MAD1L1: variants seen among roughly 807,000 people sequenced by gnomAD.
The protein encoded by MAD1L1 is mitotic spindle assembly checkpoint protein MAD1.
In MAD1L1, 95 loss-of-function variants were observed where a neutral mutation model predicts 96.9. That is an observed-to-expected ratio of 0.98 (90% CI 0.83 to 1.16). MAD1L1 has a LOEUF of 1.16. Ranked by LOEUF, MAD1L1 falls within the 50% of genes most tolerant of loss-of-function variation. The pLI, the probability that MAD1L1 is intolerant of heterozygous loss-of-function variation, is 0.00. For missense variants in MAD1L1, 1,007 were observed against 954.4 expected, an observed-to-expected ratio of 1.06 and a Z score of -0.73; for synonymous variants, 473 against 396.6, an observed-to-expected ratio of 1.19 and a Z score of -2.29.
intron 17 of MAD1L1, among the ~76,000 whole-genome samples, chr7:1,909,779 G>A (rs984438464): frequency 6.6e-6 from 1 of 152,320 alleles, no homozygotes; most frequent in African/African-American, 2.4e-5. Context: ...GAAGATGGTC[G>A]CTTCAACTCT....
At chr7:1,973,546 G>C (rs1244259323) in intron 15 of MAD1L1, among the ~76,000 whole-genome samples, 1 of 152,126 alleles carries the variant, frequency 6.6e-6, no homozygotes, top group Admixed American at 6.5e-5. Context: ...GCCGCAGACA[G>C]CTGGGTACGA....
intron 18 of MAD1L1, among the ~76,000 whole-genome samples, chr7:1,889,960 T>C (rs771036169): frequency 6.6e-6 from 1 of 152,174 alleles, no homozygotes; most frequent in Non-Finnish European, 1.5e-5. Flanking sequence ...GGTGGTGCCC[T>C]GAAGGCTGCC....
intron 16 of MAD1L1, among the ~76,000 whole-genome samples, chr7:1,947,017 G>A (rs575560814): frequency 8.5e-5 from 13 of 152,306 alleles, no homozygotes; most frequent in Admixed American, 8.5e-4. Context: ...CCCCTAACTC[G>A]CTGGTAGGTC....
chr7:2,204,071 T>C (rs531743074), intron 10 of MAD1L1, among the ~76,000 whole-genome samples: 1 of 152,356 alleles, frequency 6.6e-6, no homozygotes, highest in East Asian at 1.9e-4. Flanking sequence ...TGAAACTCCT[T>C]GACCCTCTGC....
intron 2 of MAD1L1, 108 bp downstream of exon 2, chr7:2,230,441 G>A (rs948818634): frequency 9.3e-6 from 3 of 320,896 alleles, no homozygotes; most frequent in African/African-American, 6.3e-5. Flanking sequence ...TCAGCACTCA[G>A]GTGGCACGTC....
chr7:1,920,113 C>A (rs1052947271), intron 17 of MAD1L1, among the ~76,000 whole-genome samples: 1 of 152,114 alleles, frequency 6.6e-6, no homozygotes, highest in Non-Finnish European at 1.5e-5. Context: ...CTGTGTGGGC[C>A]CAGCATCCCT....
intron 12 of MAD1L1, among the ~76,000 whole-genome samples, chr7:2,045,134 C>T (rs1405064186): frequency 2.0e-5 from 3 of 152,194 alleles, no homozygotes; most frequent in Non-Finnish European, 4.4e-5. Context: ...CCAGAAAGGA[C>T]ATGAAAGGCT....
At chr7:1,949,285 C>A (rs755895574) in intron 16 of MAD1L1, among the ~76,000 whole-genome samples, 1 of 152,224 alleles carries the variant, frequency 6.6e-6, no homozygotes, top group Non-Finnish European at 1.5e-5. Context: ...GGTTAACGGA[C>A]GTGCACATGG....
chr7:1,816,970 C>T (rs1219066784), intron 18 of MAD1L1: 1 of 152,384 alleles, frequency 6.6e-6, no homozygotes, highest in Non-Finnish European at 1.5e-5. Flanking sequence ...AAACCACGTC[C>T]CTGAAAAGTC....
intron 11 of MAD1L1, among the ~76,000 whole-genome samples, chr7:2,106,527 G>A (rs1314314436): frequency 6.6e-6 from 1 of 152,130 alleles, no homozygotes; most frequent in East Asian, 1.9e-4. Context: ...ACACCAAGGA[G>A]GACACGTGAG....
At chr7:2,069,385 C>T (rs779863676) in intron 11 of MAD1L1, 47 bp from the exon 12 acceptor site, 3 of 1,487,336 alleles carry the variant, frequency 2.0e-6, no homozygotes, top group Admixed American at 4.6e-5. Context: ...CTGGGGTGAC[C>T]ACCCCACCAA....
chr7:2,015,398 G>A (rs1439739649), intron 12 of MAD1L1, among the ~76,000 whole-genome samples: 1 of 152,216 alleles, frequency 6.6e-6, no homozygotes, highest in Admixed American at 6.5e-5. Flanking sequence ...CACAGTGTCA[G>A]GGCTGATTCC....
chr7:1,958,879 G>C lies in MAD1L1; in HGVS notation c.1506-1160C>G, dbSNP rs572633152. The stretch of plus-strand genomic sequence containing the variant: ...AACTACCTGTCAGATAAACATGCTG[G>C]ATGGGATTAATGACAGATTAGAATC... On this transcript the variant is annotated intron_variant, in intron 15 of 18. Coordinates refer to ENST00000265854, the MANE Select transcript of MAD1L1 (RefSeq NM_001013836.2). Among the ~76,000 whole-genome samples, 4 of 152,348 alleles carry C rather than the reference G, an allele frequency of 2.6e-5. No individual in the cohort carries two copies. In the East Asian group the frequency reaches 7.7e-4, roughly 29 times the overall value.
intron 18 of MAD1L1, among the ~76,000 whole-genome samples, chr7:1,868,777 G>C (rs6949118): frequency 0.043 from 6,611 of 152,290 alleles, 258 homozygotes; most frequent in African/African-American, 0.1. Context: ...ACGACCACCA[G>C]GGGAACGCCC....
intron 11 of MAD1L1, among the ~76,000 whole-genome samples, chr7:2,076,632 G>C (rs1290571460): frequency 6.6e-6 from 1 of 152,220 alleles, no homozygotes; most frequent in African/African-American, 2.4e-5. Context: ...ACACAGTTAT[G>C]ACACAGTGAG....
At position 2,185,483 on chromosome 7, in the gene MAD1L1, T is replaced by G. The variant is rs1791415448; in HGVS notation, c.986+27729A>C. Among the ~76,000 whole-genome samples, 3 of 152,178 alleles carry G rather than the reference T, an allele frequency of 2.0e-5. No individual in the cohort carries two copies. In the South Asian group the frequency reaches 6.2e-4, roughly 32 times the overall value. On this transcript the variant is annotated intron_variant, in intron 10 of 18. Transcript: ENST00000265854. ...ATTATATACATAAGATCTGTCCATT[T>G]CACTGTATGTAATTATTATCTCAAA...
intron 18 of MAD1L1, among the ~76,000 whole-genome samples, chr7:1,861,958 T>C (rs563920172): frequency 1.3e-5 from 2 of 152,142 alleles, no homozygotes; most frequent in South Asian, 2.1e-4. Flanking sequence ...GCTGGGAACG[T>C]AGAGGGCTGG....
chr7:1,969,170 G>A (rs953406381), intron 15 of MAD1L1, among the ~76,000 whole-genome samples: 6 of 152,154 alleles, frequency 3.9e-5, no homozygotes, highest in Admixed American at 6.5e-5. Context: ...GATCACCTGA[G>A]GTCAGCAGTT....
intron 15 of MAD1L1, among the ~76,000 whole-genome samples, chr7:1,970,893 A>G (rs1282561261): frequency 6.6e-6 from 1 of 152,160 alleles, no homozygotes; most frequent in African/African-American, 2.4e-5. Context: ...TGCTCCCCGG[A>G]TAAGGGTACC....
Sources: allele counts gnomAD v4.1 joint callset (sites outside exome capture counted in the v4.1 genomes callset), GRCh38; gene constraint gnomAD v4.1.1; transcripts MANE v1.5; gene names NCBI Gene and HGNC (gene_info 2026-07-23, HGNC 2026-07-21).